The following PLXNA4 variants were observed in gnomAD, a reference collection of about 807,000 sequenced individuals.
PLXNA4 encodes the protein plexin-A4.
Under a neutral mutation model 191.8 loss-of-function variants are expected in PLXNA4, and 44 were observed. The ratio of observed to expected loss-of-function variants is 0.23; its 90% CI spans 0.18 to 0.29. The LOEUF is 0.29. Ranked by LOEUF, PLXNA4 falls within the 10% of genes least tolerant of loss-of-function variation. PLXNA4 has a pLI of 1.00. For missense variants in PLXNA4, 1,800 were observed against 2,488.8 expected, an observed-to-expected ratio of 0.72 and a Z score of 5.89; for synonymous variants, 1,082 against 1,009.5, an observed-to-expected ratio of 1.07 and a Z score of -1.36.
At chr7:132,549,602 G>A (rs1800467148) in intron 1 of PLXNA4, among the ~76,000 whole-genome samples, 1 of 152,132 alleles carries the variant, frequency 6.6e-6, no homozygotes, top group Admixed American at 6.5e-5. Context: ...AAATCTTCCT[G>A]GGGGCAGATT....
At chr7:132,578,619 A>C (rs1440141049), upstream of PLXNA4, among the ~76,000 whole-genome samples, 2 of 152,192 alleles carry the variant, frequency 1.3e-5, no homozygotes, top group African/African-American at 2.4e-5. Flanking sequence ...TGAGCGGCAC[A>C]TATAGGTCAG....
At chr7:132,494,813 G>A (rs1181033419) in intron 2 of PLXNA4, among the ~76,000 whole-genome samples, 1 of 152,172 alleles carries the variant, frequency 6.6e-6, no homozygotes, top group Admixed American at 6.5e-5. Flanking sequence ...CATGAAAAGG[G>A]GATTTTAAAT....
chr7:132,572,156 T>C (rs1298392786), intron 1 of PLXNA4, among the ~76,000 whole-genome samples: 2 of 152,186 alleles, frequency 1.3e-5, no homozygotes, highest in African/African-American at 4.8e-5. Context: ...AGCACAGTGA[T>C]GAGGAGAAAG....
rs750045262 is a variant in PLXNA4 at position 132,140,606 on chromosome 7, C to T, written c.5431G>A (p.Val1811Met). Reference protein sequence around the residue: ...AKDIPSYKNWVERYYSDIGKM... With the variant: ...AKDIPSYKNWMERYYSDIGKM... ...CCGTGGCCCAGCACTCACCTCTCCA[C>T]CCAATTCTTGTAGCTGGGGATGTCC... The change falls in exon 30 of 32, where the codon GTG becomes ATG. Residue 1811 changes from valine to methionine, a missense_variant. Physicochemically the swap from Val to Met is conservative, Grantham distance 21 (BLOSUM62 1). Coordinates refer to ENST00000321063, the MANE Select transcript of PLXNA4 (RefSeq NM_020911.2). The T allele has an allele frequency of 6.2e-7, 1 of 1,613,890 alleles. No individual in the cohort carries two copies. Among genetic ancestry groups the T allele is most frequent in the African/African-American group, 1.3e-5 (1 of 75,044 alleles).
At position 132,228,470 on chromosome 7, in the gene PLXNA4, C is replaced by G; in HGVS notation, c.1605-1G>C. 6.2e-7 allele frequency: 1 copy of G among 1,614,150 alleles called. No individual in the cohort carries two copies. Among genetic ancestry groups the G allele is most frequent in the Non-Finnish European group, 8.5e-7 (1 of 1,179,992 alleles). On this transcript the variant is annotated splice_acceptor_variant, in intron 5 of 31. Coordinates refer to ENST00000321063, the MANE Select transcript of PLXNA4 (RefSeq NM_020911.2). LOFTEE classifies it high-confidence loss of function. The stretch of plus-strand genomic sequence containing the variant: ...CTCACACCGCTCCTTCCGGGTGCAA[C>G]TGGGAAGGACATACCCTCGAGTTAC...
At chr7:132,141,222 T>C (rs1795258823) in intron 29 of PLXNA4, among the ~76,000 whole-genome samples, 1 of 152,186 alleles carries the variant, frequency 6.6e-6, no homozygotes, top group South Asian at 2.1e-4. Context: ...TGTAAGGAAT[T>C]GCTTGGAATC....
intron 3 of PLXNA4, among the ~76,000 whole-genome samples, chr7:132,434,436 G>C (rs1013520097): frequency 2.6e-5 from 4 of 152,202 alleles, no homozygotes; most frequent in Admixed American, 2.6e-4. Flanking sequence ...ATGCTATCCT[G>C]TCTCTCCCTG....
At chr7:132,489,547 T>G in intron 2 of PLXNA4, 73 bp from the exon 3 acceptor site, 3 of 1,277,962 alleles carry the variant, frequency 2.3e-6, no homozygotes, top group Non-Finnish European at 3.2e-6. Flanking sequence ...GTCAGGAAAC[T>G]ATGGAGGTAG....
intron 3 of PLXNA4, among the ~76,000 whole-genome samples, chr7:132,467,532 A>T (rs889289400): frequency 4.6e-5 from 7 of 152,224 alleles, no homozygotes; most frequent in Non-Finnish European, 1.0e-4. Context: ...CCCACCTCTC[A>T]GCTGGGCATC....
Position 132,236,358 on chromosome 7 carries a change from C to A in PLXNA4, c.1604+4708G>T, listed in dbSNP as rs531529293. Among the ~76,000 whole-genome samples, 3 of 152,278 alleles carry A rather than the reference C, an allele frequency of 2.0e-5. No individual in the cohort carries two copies. In the South Asian group the frequency reaches 6.2e-4, roughly 32 times the overall value. ...CCCTTCTCTTCCACAATGCTACCAC[C>A]ACCTCACTCCCTCCAACCATGGGGA... is the stretch of plus-strand genomic sequence containing the variant. On this transcript the variant is annotated intron_variant, in intron 5 of 31. Transcript: ENST00000321063.
rs527789149 is a variant in PLXNA4 at position 132,144,253 on chromosome 7, A to C, written c.5225+866T>G. Among the ~76,000 whole-genome samples, 7 of 152,330 alleles carry C rather than the reference A, an allele frequency of 4.6e-5. No individual in the cohort carries two copies. In the South Asian group the frequency reaches 1.5e-3, roughly 32 times the overall value. ...CAGGTAGAGCTCTCAACCAGAGACC[A>C]CCTTGGCTCTGCATCTCATCAATAA... is the stretch of plus-strand genomic sequence containing the variant. On this transcript the variant is annotated intron_variant, in intron 29 of 31. Coordinates refer to ENST00000321063, the MANE Select transcript of PLXNA4 (RefSeq NM_020911.2).
At chr7:132,146,851 A>T in intron 27 of PLXNA4, 151 bp from the exon 28 acceptor site, 1 of 1,440,874 alleles carries the variant, frequency 6.9e-7, no homozygotes, top group Non-Finnish European at 9.2e-7. Context: ...GGTTTGGTGC[A>T]TTCCCTGAAA....
At chr7:132,645,950 C>T (rs543790462) in exon 2 of PLXNA4, 1 of 152,706 alleles carries the variant, frequency 6.5e-6, no homozygotes, top group Non-Finnish European at 1.5e-5. Context: ...GGTCAGAAGG[C>T]TTTGTGTGGA....
chr7:132,387,317 T>C (rs1805192570), intron 3 of PLXNA4, among the ~76,000 whole-genome samples: 1 of 152,256 alleles, frequency 6.6e-6, no homozygotes, highest in Admixed American at 6.5e-5. Context: ...TGAGATGTGC[T>C]AGAATAGACC....
At chr7:132,156,818 A>T (rs1795813791) in intron 25 of PLXNA4, among the ~76,000 whole-genome samples, 1 of 152,200 alleles carries the variant, frequency 6.6e-6, no homozygotes, top group Non-Finnish European at 1.5e-5. Context: ...TGGAAAAAGC[A>T]TTTGGGTCTC....
chr7:132,567,465 T>C (rs1000902377), intron 1 of PLXNA4, among the ~76,000 whole-genome samples: 7 of 152,184 alleles, frequency 4.6e-5, no homozygotes, highest in African/African-American at 1.7e-4. Flanking sequence ...CCTGTACCCA[T>C]CTGGATTCAT....
intron 14 of PLXNA4, among the ~76,000 whole-genome samples, chr7:132,190,407 G>T (rs1203578772): frequency 6.6e-6 from 1 of 152,200 alleles, no homozygotes; most frequent in Non-Finnish European, 1.5e-5. Flanking sequence ...TTGGTACATG[G>T]GAGCTACTCA....
chr7:132,436,439 C>G (rs116126921), intron 3 of PLXNA4, among the ~76,000 whole-genome samples: 2,700 of 152,256 alleles, frequency 0.018, 71 homozygotes, highest in African/African-American at 0.062. Context: ...GAAGCCTTGC[C>G]CCATAGATTA....
chr7:132,425,814 C>T (rs1312370406), intron 3 of PLXNA4, among the ~76,000 whole-genome samples: 1 of 152,212 alleles, frequency 6.6e-6, no homozygotes, highest in African/African-American at 2.4e-5. Context: ...AACTCTCCAT[C>T]GAGGTGGGGG....
Sources: allele counts gnomAD v4.1 joint callset (sites outside exome capture counted in the v4.1 genomes callset), GRCh38; gene constraint gnomAD v4.1.1; transcripts MANE v1.5; gene names NCBI Gene and HGNC (gene_info 2026-07-23, HGNC 2026-07-21).